Variants in CTNND2 observed in about 807,000 individuals in gnomAD.
CTNND2 encodes catenin delta 2, also known as catenin delta-2.
Under a neutral mutation model 144.4 loss-of-function variants are expected in CTNND2, and 22 were observed. The ratio of observed to expected loss-of-function variants is 0.15; its 90% CI spans 0.11 to 0.22. CTNND2 has a LOEUF of 0.22. CTNND2 is among the 10% of genes least tolerant of loss of function. The pLI is 1.00. For missense variants in CTNND2, 1,353 were observed against 1,618.8 expected, an observed-to-expected ratio of 0.84 and a Z score of 2.82; for synonymous variants, 751 against 695.6, an observed-to-expected ratio of 1.08 and a Z score of -1.25.
intron 3 of CTNND2, among the ~76,000 whole-genome samples, chr5:11,540,734 T>C (rs1774653604): frequency 6.6e-6 from 1 of 152,144 alleles, no homozygotes; most frequent in Non-Finnish European, 1.5e-5. Context: ...GGTTTCGAAC[T>C]CCTGACCTCA....
chr5:11,485,240 A>C (rs1017814103), intron 3 of CTNND2, among the ~76,000 whole-genome samples: 2 of 152,212 alleles, frequency 1.3e-5, no homozygotes, highest in Non-Finnish European at 2.9e-5. Flanking sequence ...GAGTGAAAAC[A>C]AAAGGAAAAC....
intron 1 of CTNND2, among the ~76,000 whole-genome samples, chr5:11,868,355 A>C (rs1273345920): frequency 6.6e-6 from 1 of 152,158 alleles, no homozygotes; most frequent in Non-Finnish European, 1.5e-5. Context: ...ACCAGTTTGA[A>C]CATCATCTTA....
chr5:11,481,097 C>T (rs545195881), intron 3 of CTNND2, among the ~76,000 whole-genome samples: 53 of 152,250 alleles, frequency 3.5e-4, no homozygotes, highest in African/African-American at 1.0e-3. Flanking sequence ...TCATCATCAA[C>T]ACTCATAAAC....
chr5:11,621,094 G>A (rs1383975652), intron 2 of CTNND2, among the ~76,000 whole-genome samples: 1 of 152,156 alleles, frequency 6.6e-6, no homozygotes, highest in Non-Finnish European at 1.5e-5. Context: ...GTATCTGCAT[G>A]TGTGTACACA....
At chr5:11,389,365 A>G (rs370857028) in intron 6 of CTNND2, among the ~76,000 whole-genome samples, 1 of 152,174 alleles carries the variant, frequency 6.6e-6, no homozygotes, top group Non-Finnish European at 1.5e-5. Flanking sequence ...CTTATGGGAA[A>G]TTTTTCAAGA....
In CTNND2 at chr5:11,273,965, G is replaced by A. The variant is rs367836982; in HGVS notation, c.1629-37142C>T. On this transcript the variant is annotated intron_variant, in intron 9 of 21. Transcript: ENST00000304623. ...AATGAATATATAGATTTCCTGGGGC[G>A]GCCAGGGAGGGGACGGGTATTTATG... 5.3e-4 allele frequency among the ~76,000 whole-genome samples: 80 copies of A among 152,230 alleles called. No individual in the cohort carries two copies. In the South Asian group the frequency reaches 7.7e-3, roughly 15 times the overall value.
At chr5:11,156,294 CT>C (rs1758217924) in intron 12 of CTNND2, among the ~76,000 whole-genome samples, 1 of 152,006 alleles carries the variant, frequency 6.6e-6, no homozygotes, top group Non-Finnish European at 1.5e-5. Context: ...AAAAGGTGAC[CT>C]CTTTAAAAAC....
intron 11 of CTNND2, among the ~76,000 whole-genome samples, chr5:11,180,036 G>A (rs1452352268): frequency 6.6e-6 from 1 of 152,168 alleles, no homozygotes; most frequent in Non-Finnish European, 1.5e-5. Flanking sequence ...AATAAAAACA[G>A]GGTTGATATG....
At chr5:11,741,999 A>G (rs902321484) in intron 1 of CTNND2, among the ~76,000 whole-genome samples, 2 of 150,852 alleles carry the variant, frequency 1.3e-5, no homozygotes, top group Non-Finnish European at 3.0e-5. Flanking sequence ...GAGCTAAGCT[A>G]TGAGGACACA....
chr5:11,589,977 A>G (rs1779125862), intron 2 of CTNND2, among the ~76,000 whole-genome samples: 1 of 152,338 alleles, frequency 6.6e-6, no homozygotes, highest in African/African-American at 2.4e-5. Context: ...TTCATTTGAA[A>G]AGGGCTGTAT....
rs1456122969 is a variant in CTNND2 at position 11,858,670 on chromosome 5, C to A, written c.37+45147G>T. Reference sequence around the variant, plus strand: ...ACAGGCTGGGCACGGTGGCTCACGCCTGTTAATCCCAGCACTTTGGGAGCT... The same window carrying A: ...ACAGGCTGGGCACGGTGGCTCACGCATGTTAATCCCAGCACTTTGGGAGCT... On this transcript the variant is annotated intron_variant, in intron 1 of 21. Transcript: ENST00000304623. Among the ~76,000 whole-genome samples the A allele has an allele frequency of 2.6e-5, 4 of 152,312 alleles. No homozygotes were observed. In the East Asian group the frequency reaches 7.8e-4, roughly 30 times the overall value.
intron 1 of CTNND2, among the ~76,000 whole-genome samples, chr5:11,812,467 C>T (rs537421845): frequency 1.6e-4 from 24 of 152,272 alleles, no homozygotes; most frequent in African/African-American, 5.8e-4. Context: ...GTAACAGACA[C>T]TGTGGAGTTC....
chr5:11,468,527 G>C lies in CTNND2; in HGVS notation c.288-56458C>G, dbSNP rs145227217. ...CCATCCACAGAGCAGCAGGTTCCCA[G>C]ATCTCTCTGTAGATACAGTATCCAA... is the stretch of plus-strand genomic sequence containing the variant. On this transcript the variant is annotated intron_variant, in intron 3 of 21. Transcript: ENST00000304623. 1.3e-5 allele frequency among the ~76,000 whole-genome samples: 2 copies of C among 152,228 alleles called. 1 individual carries two copies. The highest frequency in any genetic ancestry group is 2.9e-5 in the Non-Finnish European group (2 of 68,018).
At chr5:11,463,854 C>CA (rs34924245) in intron 3 of CTNND2, among the ~76,000 whole-genome samples, 8,908 of 123,470 alleles carry the variant, frequency 0.072, 654 homozygotes, top group African/African-American at 0.2. Context: ...GCGTCCCTTA[C>CA]AAAAAAAAAA....
chr5:11,883,779 T>C (rs556489031), intron 1 of CTNND2, among the ~76,000 whole-genome samples: 1 of 152,358 alleles, frequency 6.6e-6, no homozygotes, highest in South Asian at 2.1e-4. Context: ...ATGGTTGAAC[T>C]AATTTACACT....
chr5:11,213,751 A>G lies in CTNND2; in HGVS notation c.1762-14090T>C, dbSNP rs907528104. On this transcript the variant is annotated intron_variant, in intron 10 of 21. Transcript: ENST00000304623. Reference sequence around the variant, plus strand: ...GCCACTGCAGAAATTCTGAAGGCTCACAACTCTCCTAGCAGTTTGGGGGTT... The same window carrying G: ...GCCACTGCAGAAATTCTGAAGGCTCGCAACTCTCCTAGCAGTTTGGGGGTT... Among the ~76,000 whole-genome samples the G allele has an allele frequency of 4.6e-5, 7 of 152,180 alleles. No homozygotes were observed. The South Asian group carries it at 1.4e-3, about 31-fold the overall frequency.
At chr5:11,166,103 T>C (rs761312429) in intron 11 of CTNND2, among the ~76,000 whole-genome samples, 1 of 152,164 alleles carries the variant, frequency 6.6e-6, no homozygotes, top group Non-Finnish European at 1.5e-5. Context: ...AAAAATGTAT[T>C]TACAATTAAT....
chr5:11,277,720 C>G (rs991846563), intron 9 of CTNND2, among the ~76,000 whole-genome samples: 1 of 151,848 alleles, frequency 6.6e-6, no homozygotes, highest in African/African-American at 2.4e-5. Context: ...TTAGTCGAGT[C>G]AGGATTTCAC....
intron 1 of CTNND2, among the ~76,000 whole-genome samples, chr5:11,797,062 A>G (rs1791443018): frequency 6.6e-6 from 1 of 152,238 alleles, no homozygotes. Flanking sequence ...ATCAGGGAAA[A>G]GAGCCATTAC....
Sources: gnomAD v4.1 joint callset for allele counts (sites outside exome capture counted in the v4.1 genomes callset) on GRCh38, gnomAD v4.1.1 for gene constraint, MANE v1.5 for transcripts, NCBI Gene and HGNC (gene_info 2026-07-23, HGNC 2026-07-21) for gene names.